The following LARGE1 variants were observed in gnomAD, a reference collection of about 807,000 sequenced individuals.
LARGE1 encodes LARGE xylosyl- and glucuronyltransferase 1, also known as xylosyl- and glucuronyltransferase LARGE1.
In LARGE1, 43 loss-of-function variants were observed where a neutral mutation model predicts 87.6. The observed-to-expected ratio is 0.49, with a 90% CI of 0.38 to 0.63. The LOEUF (loss-of-function observed/expected upper bound fraction) is 0.63. Ranked by LOEUF, LARGE1 falls within the 30% of genes least tolerant of loss-of-function variation. LARGE1 has a pLI of 0.00. For synonymous variants in LARGE1, 434 were observed against 394.6 expected (o/e 1.10, Z -1.18); for missense variants, 802 against 1,000.2 (o/e 0.80, Z 2.67).
At chr22:33,145,262 C>A in the LARGE1 span, among the ~76,000 whole-genome samples, 2 of 152,116 alleles carry the variant, frequency 1.3e-5, no homozygotes, top group Non-Finnish European at 2.9e-5. Context: ...TTGAGATATG[C>A]CCACCCCTAC....
chr22:33,071,501 G>C, the LARGE1 span, among the ~76,000 whole-genome samples: 1 of 152,276 alleles, frequency 6.6e-6, no homozygotes, highest in Admixed American at 6.5e-5. Flanking sequence ...CTGTATCCCA[G>C]TGCCTAGATA....
intron 6 of LARGE1, among the ~76,000 whole-genome samples, chr22:33,503,712 T>C (rs754881157): frequency 6.6e-6 from 1 of 151,112 alleles, no homozygotes; most frequent in African/African-American, 2.4e-5. Context: ...GGCAGGAAAA[T>C]TGCTTGAACC....
intron 2 of LARGE1, among the ~76,000 whole-genome samples, chr22:33,686,447 G>A (rs765898244): frequency 2.6e-5 from 4 of 151,220 alleles, no homozygotes; most frequent in Non-Finnish European, 5.9e-5. Flanking sequence ...GGAGGCTGAG[G>A]CAGGAGAATC....
In LARGE1 at chr22:33,300,022, A is replaced by G. The variant is rs138489143; in HGVS notation, c.1730+4207T>C. On this transcript the variant is annotated intron_variant, in intron 12 of 14. Transcript: ENST00000397394. ...TGCTAAGCAACTGCTCAAAGAGCTA[A>G]CATGCTGAACTTTTTTTGGTAACCA... is the stretch of plus-strand genomic sequence containing the variant. Among the ~76,000 whole-genome samples, 211 of 152,356 alleles carry G rather than the reference A, an allele frequency of 1.4e-3. 1 individual carries two copies. Among genetic ancestry groups the G allele is most frequent in the African/African-American group, 4.9e-3 (203 of 41,588 alleles).
At chr22:33,528,716 G>A (rs1042531778) in intron 6 of LARGE1, among the ~76,000 whole-genome samples, 6 of 152,074 alleles carry the variant, frequency 3.9e-5, no homozygotes, top group African/African-American at 1.4e-4. Flanking sequence ...AAAGCCTAAC[G>A]GTGGTTAGCG....
chr22:33,459,628 G>A (rs773136568), intron 6 of LARGE1, among the ~76,000 whole-genome samples: 13 of 151,534 alleles, frequency 8.6e-5, no homozygotes, highest in Non-Finnish European at 1.5e-4. Context: ...CAAGAACAAT[G>A]CAGGTAAGTT....
intron 12 of LARGE1, among the ~76,000 whole-genome samples, chr22:33,288,255 G>C (rs534940521): frequency 6.6e-6 from 1 of 152,324 alleles, no homozygotes; most frequent in South Asian, 2.1e-4. Flanking sequence ...GATTTCCCTT[G>C]ATAATGTGGG....
chr22:33,791,637 C>G (rs2085827291), intron 1 of LARGE1, among the ~76,000 whole-genome samples: 1 of 152,130 alleles, frequency 6.6e-6, no homozygotes, highest in South Asian at 2.1e-4. Context: ...GGTTATTGGG[C>G]ACTTTATGGA....
At chr22:33,772,736 T>A (rs1337973042) in intron 1 of LARGE1, among the ~76,000 whole-genome samples, 1 of 152,228 alleles carries the variant, frequency 6.6e-6, no homozygotes. Context: ...GATTACTTGC[T>A]TAATCGCTGC....
At chr22:33,278,487 A>C (rs1929764352) in intron 13 of LARGE1, among the ~76,000 whole-genome samples, 1 of 152,124 alleles carries the variant, frequency 6.6e-6, no homozygotes, top group Non-Finnish European at 1.5e-5. Context: ...ATATAACCAC[A>C]ATAAGAAGCA....
intron 11 of LARGE1, among the ~76,000 whole-genome samples, chr22:33,180,725 G>T (rs543724233): frequency 6.6e-6 from 1 of 152,268 alleles, no homozygotes; most frequent in African/African-American, 2.4e-5. Flanking sequence ...CCTCACAACA[G>T]AATGTTATTT....
chr22:33,807,044 A>G (rs1427440837), intron 1 of LARGE1, among the ~76,000 whole-genome samples: 1 of 152,060 alleles, frequency 6.6e-6, no homozygotes, highest in Non-Finnish European at 1.5e-5. Flanking sequence ...ATTTCAAACC[A>G]TGCAACTTCC....
At chr22:33,458,990 A>T (rs1415308991) in intron 6 of LARGE1, among the ~76,000 whole-genome samples, 1 of 152,112 alleles carries the variant, frequency 6.6e-6, no homozygotes, top group Non-Finnish European at 1.5e-5. Context: ...AAGTCTTCCA[A>T]TAACCTTAGA....
intron 10 of LARGE1, among the ~76,000 whole-genome samples, chr22:33,323,775 A>G (rs1252168225): frequency 1.3e-5 from 2 of 152,240 alleles, no homozygotes; most frequent in Non-Finnish European, 2.9e-5. Flanking sequence ...TTCTCAAATG[A>G]GCTAATGCAC....
the LARGE1 span, among the ~76,000 whole-genome samples, chr22:33,070,855 G>A: frequency 3.9e-5 from 6 of 152,200 alleles, no homozygotes; most frequent in East Asian, 1.9e-4. Context: ...GCAAAGGCTC[G>A]AAAGTAAAAA....
intron 1 of LARGE1, among the ~76,000 whole-genome samples, chr22:33,849,826 C>T (rs2063537227): frequency 6.6e-6 from 1 of 152,150 alleles, no homozygotes; most frequent in Non-Finnish European, 1.5e-5. Context: ...GTCTCAAACT[C>T]CTGACCTCAG....
chr22:33,730,371 G>C (rs956928330), intron 2 of LARGE1, among the ~76,000 whole-genome samples: 2 of 152,176 alleles, frequency 1.3e-5, no homozygotes, highest in Non-Finnish European at 2.9e-5. Context: ...AGGTTATCAA[G>C]AGTCAAATGT....
chr22:33,454,532 T>C (rs543023781), intron 6 of LARGE1, among the ~76,000 whole-genome samples: 7 of 151,018 alleles, frequency 4.6e-5, no homozygotes, highest in African/African-American at 9.8e-5. Flanking sequence ...GGCAGGGGAA[T>C]TGCTTGAATC....
At chr22:33,419,722 G>T (rs202123717) in intron 7 of LARGE1, among the ~76,000 whole-genome samples, 1 of 151,968 alleles carries the variant, frequency 6.6e-6, no homozygotes, top group South Asian at 2.1e-4. Context: ...ATGGAGTCTC[G>T]CTCTATTGCC....
Sources: gnomAD v4.1 joint callset for allele counts (sites outside exome capture counted in the v4.1 genomes callset) on GRCh38, gnomAD v4.1.1 for gene constraint, MANE v1.5 for transcripts, NCBI Gene and HGNC (gene_info 2026-07-23, HGNC 2026-07-21) for gene names.